The following MMP13 variants were observed in gnomAD, a reference collection of about 807,000 sequenced individuals.
MMP13 encodes matrix metallopeptidase 13.
In MMP13, 45 loss-of-function variants were observed where a neutral mutation model predicts 52.1. The observed-to-expected ratio is 0.86, with a 90% CI of 0.68 to 1.11. The LOEUF is 1.11. MMP13 is among the 50% of genes least tolerant of loss of function. MMP13 has a pLI of 0.00. For missense variants in MMP13, 576 were observed against 583.8 expected (o/e 0.99, Z 0.14); for synonymous variants, 200 against 204.4 (o/e 0.98, Z 0.18).
intron 9 of MMP13, chr11:102,945,081 T>TA (rs1193129127): frequency 3.1e-6 from 1 of 322,450 alleles, no homozygotes; most frequent in Non-Finnish European, 6.4e-6. Context: ...CCATCTCTAC[T>TA]AAAAATGCAA....
Position 102,952,251 on chromosome 11 carries a change from T to C in MMP13, c.638-78A>G. The C allele has an allele frequency of 1.3e-6, 2 of 1,489,072 alleles. No individual in the cohort carries two copies. The highest frequency in any genetic ancestry group is 9.3e-7 in the Non-Finnish European group (1 of 1,070,208). 92.2% of individuals were successfully genotyped at this position (1,489,072 alleles called of 1,614,324 possible). On this transcript the variant is annotated intron_variant, in intron 4 of 9. Coordinates refer to ENST00000260302, the MANE Select transcript of MMP13 (RefSeq NM_002427.4). This position sits in a 1 kb window ranked among gnomAD's most constrained non-coding sequence, Gnocchi z 4.3. ...AATGAAAGGAATATCATTTTATCTA[T>C]CTGGTATGTTTCTTTCTTGGCTATA... is the stretch of plus-strand genomic sequence containing the variant.
At position 102,955,214 on chromosome 11, in the gene MMP13, G is replaced by T. The variant is rs759218718; in HGVS notation, c.362+38C>A. The T allele has an allele frequency of 1.2e-6, 2 of 1,607,474 alleles. No homozygotes were observed. The highest frequency in any genetic ancestry group is 1.7e-4 in the Middle Eastern group (1 of 6,052). ...TTAGACATTTAATACTACAAGAAAA[G>T]GCTAACAAATATGAAAGAAAGATAG... On this transcript the variant is annotated intron_variant, in intron 2 of 9. Transcript: ENST00000260302. This position sits in a 1 kb window ranked among gnomAD's most constrained non-coding sequence, Gnocchi z 4.9.
intron 5 of MMP13, among the ~76,000 whole-genome samples, chr11:102,951,145 TGGG>T (rs35461672): frequency 6.6e-6 from 1 of 151,580 alleles, no homozygotes; most frequent in African/African-American, 2.4e-5. Flanking sequence ...ATTGAAAACT[TGGG>T]GGGGGAAGTG....
rs2134517203 is a variant in MMP13 at position 102,949,266 on chromosome 11, T to C, written c.918-108A>G. ...ACACAGACAAGTTAGATACAACCAA[T>C]ACCTCCCACCTGTGAAGGGAAAAAA... On this transcript the variant is annotated intron_variant, in intron 6 of 9. Coordinates refer to ENST00000260302, the MANE Select transcript of MMP13 (RefSeq NM_002427.4). The surrounding 1 kb of genome is among the most constrained non-coding windows in gnomAD (Gnocchi z 4.2). 1 of 1,367,390 alleles carries C rather than the reference T, an allele frequency of 7.3e-7. No individual in the cohort carries two copies. Among genetic ancestry groups the C allele is most frequent in the Middle Eastern group, 1.9e-4 (1 of 5,222 alleles). 84.7% of individuals were successfully genotyped at this position (1,367,390 alleles called of 1,614,324 possible).
rs138688754 is a variant in MMP13, at chr11:102,949,782, G to C, written c.917+328C>G. ...CAAAACGAATCCGTGTGGGCCTAAC[G>C]AGTAACCATTTATTAATACAGCAGT... On this transcript the variant is annotated intron_variant, in intron 6 of 9. Transcript: ENST00000260302. This position sits in a 1 kb window ranked among gnomAD's most constrained non-coding sequence, Gnocchi z 4.2. 2.0e-5 allele frequency among the ~76,000 whole-genome samples: 3 copies of C among 152,196 alleles called. No homozygotes were observed. In the South Asian group the frequency reaches 6.2e-4, roughly 32 times the overall value.
Position 102,949,231 on chromosome 11 carries a change from C to T in MMP13, c.918-73G>A. The T allele has an allele frequency of 5.1e-6, 8 of 1,562,580 alleles. No homozygotes were observed. The highest frequency in any genetic ancestry group is 3.4e-5 in the South Asian group (3 of 87,838). On this transcript the variant is annotated intron_variant, in intron 6 of 9. Coordinates refer to ENST00000260302, the MANE Select transcript of MMP13 (RefSeq NM_002427.4). This position sits in a 1 kb window ranked among gnomAD's most constrained non-coding sequence, Gnocchi z 4.2. Reference sequence around the variant, plus strand: ...TATTTCTATCCTGCTAGTCACCTCTCTCCACATCAACACAGACAAGTTAGA... The same window carrying T: ...TATTTCTATCCTGCTAGTCACCTCTTTCCACATCAACACAGACAAGTTAGA...
At chr11:102,954,351 T>A in intron 3 of MMP13, 70 bp from the exon 4 acceptor site, 1 of 1,607,848 alleles carries the variant, frequency 6.2e-7, no homozygotes. Context: ...TTTGGTAAAT[T>A]AGTGTTGAAT....
intron 8 of MMP13, among the ~76,000 whole-genome samples, chr11:102,947,472 A>G (rs1860529488): frequency 6.6e-6 from 1 of 152,132 alleles, no homozygotes; most frequent in African/African-American, 2.4e-5. Flanking sequence ...AGACTGAGAC[A>G]CAAGACATGA....
chr11:102,955,354 G>A lies in MMP13; in HGVS notation c.260C>T (p.Thr87Ile). The A allele has an allele frequency of 6.2e-7, 1 of 1,613,916 alleles. No homozygotes were observed. The highest frequency in any genetic ancestry group is 8.5e-7 in the Non-Finnish European group (1 of 1,179,936). ...LEVTGKLDDN[T>I]LDVMKKPRCG... ...TCTTGGCTTTTTCATGACATCTAAG[G>A]TGTTATCGTCAAGTTTGCCAGTCAC... is the stretch of plus-strand genomic sequence containing the variant. Residue 87 changes from threonine (T) to isoleucine (I), a missense_variant, in exon 2 of 10, where the codon ACC becomes ATC. Thr to Ile is a moderately conservative substitution (Grantham distance 89, BLOSUM62 -1). Transcript: ENST00000260302. This position sits in a 1 kb window ranked among gnomAD's most constrained non-coding sequence, Gnocchi z 4.9.
chr11:102,946,156 A>G (rs1467266528), intron 8 of MMP13, among the ~76,000 whole-genome samples: 3 of 152,248 alleles, frequency 2.0e-5, no homozygotes, highest in African/African-American at 7.2e-5. Flanking sequence ...AGTAATGGCT[A>G]CAAAAATATT....
intron 5 of MMP13, among the ~76,000 whole-genome samples, chr11:102,951,153 GA>G (rs1860605795): frequency 6.6e-6 from 1 of 152,010 alleles, no homozygotes; most frequent in Non-Finnish European, 1.5e-5. Context: ...CTTGGGGGGG[GA>G]AGTGAAAAGG....
In MMP13 at chr11:102,943,009, AT is replaced by A. The variant is rs1555016204; in HGVS notation, c.*1256del. 6.6e-6 allele frequency: 1 copy of A among 152,208 alleles called. No homozygotes were observed. The highest frequency in any genetic ancestry group is 6.5e-5 in the Admixed American group (1 of 15,278). The allele number at this position is 152,208 out of a possible 1,614,324, so 9.4% of individuals were successfully genotyped here. On this transcript the variant is annotated 3_prime_UTR_variant, in exon 10 of 10. Transcript: ENST00000260302. ...TATAGCAATTGTCTGTTGAAAATAT[AT>A]TTTTATTATAAACAACATAAACACT...
intron 4 of MMP13, among the ~76,000 whole-genome samples, chr11:102,953,503 T>G (rs1285730444): frequency 6.6e-6 from 1 of 152,228 alleles, no homozygotes; most frequent in Non-Finnish European, 1.5e-5. Flanking sequence ...CTATGGCTTT[T>G]CTTCCTAAGT....
chr11:102,949,262 C>T lies in MMP13; in HGVS notation c.918-104G>A. On this transcript the variant is annotated intron_variant, in intron 6 of 9. Transcript: ENST00000260302. The surrounding 1 kb of genome is among the most constrained non-coding windows in gnomAD (Gnocchi z 4.2). ...ATCAACACAGACAAGTTAGATACAA[C>T]CAATACCTCCCACCTGTGAAGGGAA... 7.2e-7 allele frequency: 1 copy of T among 1,386,650 alleles called. No homozygotes were observed. Among genetic ancestry groups the T allele is most frequent in the Non-Finnish European group, 1.0e-6 (1 of 1,003,542 alleles). 85.9% of individuals were successfully genotyped at this position (1,386,650 alleles called of 1,614,324 possible). A position where few individuals can be genotyped will look rare whatever the true frequency, so the allele number is the denominator to read the frequency against.
At chr11:102,951,718 C>A (rs1395832390) in intron 5 of MMP13, among the ~76,000 whole-genome samples, 1 of 152,090 alleles carries the variant, frequency 6.6e-6, no homozygotes, top group African/African-American at 2.4e-5. Context: ...ATATAACCTA[C>A]TACAGATATA....
At chr11:102,953,268 C>T (rs1860642229) in intron 4 of MMP13, among the ~76,000 whole-genome samples, 2 of 152,132 alleles carry the variant, frequency 1.3e-5, no homozygotes, top group East Asian at 1.9e-4. Context: ...ATTATTTCTT[C>T]TTCCTGAAAC....
chr11:102,944,211 G>A lies in MMP13; in HGVS notation c.*55C>T. ...CTTCTTCCCCTACCCCGCACTTCTG[G>A]AAGTATTACCCCAAATGCTCTTCAG... On this transcript the variant is annotated 3_prime_UTR_variant, in exon 10 of 10. Transcript: ENST00000260302. 7.4e-7 allele frequency: 1 copy of A among 1,353,324 alleles called. No individual in the cohort carries two copies. The highest frequency in any genetic ancestry group is 2.3e-5 in the East Asian group (1 of 43,270). The allele number at this position is 1,353,324 out of a possible 1,614,324, so 83.8% of individuals were successfully genotyped here. A position where few individuals can be genotyped will look rare whatever the true frequency, so the allele number is the denominator to read the frequency against.
chr11:102,944,771 CTTT>C (rs557080076), intron 9 of MMP13, among the ~76,000 whole-genome samples: 62 of 95,726 alleles, frequency 6.5e-4, no homozygotes, highest in African/African-American at 2.0e-3. Flanking sequence ...CCACTCCCAG[CTTT>C]TTTTTTTTTT....
At chr11:102,947,799 A>C in intron 8 of MMP13, 92 bp downstream of exon 8, 1 of 1,379,676 alleles carries the variant, frequency 7.2e-7, no homozygotes, top group Non-Finnish European at 1.0e-6. Context: ...TGACATTTAC[A>C]ATAGTGTGTA....
Sources: gnomAD v4.1 joint callset for allele counts (sites outside exome capture counted in the v4.1 genomes callset) on GRCh38, gnomAD v4.1.1 for gene constraint, Gnocchi (gnomAD v3.1) non-coding constraint, MANE v1.5 for transcripts, NCBI Gene and HGNC (gene_info 2026-07-23, HGNC 2026-07-21) for gene names.